The following GREB1 variants were observed in gnomAD, a reference collection of about 807,000 sequenced individuals.
The protein encoded by GREB1 is growth regulating estrogen receptor binding 1.
A neutral mutation model predicts 200.7 loss-of-function variants in GREB1; 106 were observed. The observed-to-expected ratio is 0.53, with a 90% CI of 0.45 to 0.62. The LOEUF (loss-of-function observed/expected upper bound fraction) is 0.62. Ranked by LOEUF, GREB1 falls within the 20% of genes least tolerant of loss-of-function variation. GREB1 has a pLI of 0.00. For synonymous variants in GREB1, 1,132 were observed against 1,092.4 expected (o/e 1.04, Z -0.72); for missense variants, 2,243 against 2,556.8 (o/e 0.88, Z 2.65).
At chr2:11,525,758 C>T (rs1306486938) in intron 1 of GREB1, among the ~76,000 whole-genome samples, 1 of 152,132 alleles carries the variant, frequency 6.6e-6, no homozygotes, top group African/African-American at 2.4e-5. Flanking sequence ...GGGGCTCCAG[C>T]AGTCAGAACT....
intron 1 of GREB1, among the ~76,000 whole-genome samples, chr2:11,507,812 C>T (rs1016714754): frequency 1.3e-5 from 2 of 152,176 alleles, no homozygotes; most frequent in East Asian, 3.9e-4. Flanking sequence ...CCTGAGACCA[C>T]AGGACTCAGG....
intron 1 of GREB1, among the ~76,000 whole-genome samples, chr2:11,536,937 G>T (rs1674317712): frequency 7.3e-6 from 1 of 137,580 alleles, no homozygotes; most frequent in African/African-American, 3.0e-5. Context: ...TGAATTCTTA[G>T]AGGCAAGTAC....
intron 1 of GREB1, among the ~76,000 whole-genome samples, chr2:11,518,157 A>G (rs1386257771): frequency 1.3e-5 from 2 of 152,218 alleles, no homozygotes; most frequent in Non-Finnish European, 2.9e-5. Flanking sequence ...TATGGTCTGC[A>G]ATGGAGTGGA....
At chr2:11,502,888 C>T (rs1280290564) in intron 1 of GREB1, among the ~76,000 whole-genome samples, 1 of 152,020 alleles carries the variant, frequency 6.6e-6, no homozygotes, top group Non-Finnish European at 1.5e-5. Flanking sequence ...GGAATGGGAG[C>T]TTAGAAAGCC....
chr2:11,622,530 C>T (rs1017953332), intron 23 of GREB1, among the ~76,000 whole-genome samples: 2 of 152,188 alleles, frequency 1.3e-5, no homozygotes, highest in Non-Finnish European at 2.9e-5. Context: ...CTACCTTAGA[C>T]ACTTAGTAAG....
chr2:11,619,137 AG>A (rs1488566400), intron 22 of GREB1, among the ~76,000 whole-genome samples: 3 of 152,084 alleles, frequency 2.0e-5, no homozygotes, highest in African/African-American at 7.2e-5. Flanking sequence ...TGTGTGATGT[AG>A]GGGGCGGACA....
intron 17 of GREB1, among the ~76,000 whole-genome samples, chr2:11,604,019 G>T (rs182186786): frequency 6.6e-6 from 1 of 152,272 alleles, no homozygotes; most frequent in African/African-American, 2.4e-5. Context: ...AAACCACGTA[G>T]CCACCAAGCC....
chr2:11,613,053 C>T (rs1030635520), intron 19 of GREB1, among the ~76,000 whole-genome samples: 1 of 152,176 alleles, frequency 6.6e-6, no homozygotes, highest in African/African-American at 2.4e-5. Context: ...GCTTAGGAGG[C>T]GTTCTGGGAG....
At chr2:11,605,696 T>C (rs1378042432) in intron 17 of GREB1, among the ~76,000 whole-genome samples, 1 of 152,220 alleles carries the variant, frequency 6.6e-6, no homozygotes, top group African/African-American at 2.4e-5. Flanking sequence ...AATTGTACAA[T>C]AGGTACTCTG....
chr2:11,546,216 CAAAG>C (rs544302717), intron 1 of GREB1, among the ~76,000 whole-genome samples: 9 of 151,920 alleles, frequency 5.9e-5, no homozygotes, highest in African/African-American at 2.2e-4. Context: ...GATGTGAAGA[CAAAG>C]AATGCTTTTA....
At chr2:11,541,463 C>T (rs1483525206) in intron 1 of GREB1, among the ~76,000 whole-genome samples, 3 of 151,602 alleles carry the variant, frequency 2.0e-5, no homozygotes, top group Non-Finnish European at 4.4e-5. Flanking sequence ...CCATGGGGAT[C>T]GGAACACTTG....
At chr2:11,574,369 G>T (rs937375653) in intron 4 of GREB1, among the ~76,000 whole-genome samples, 1 of 152,222 alleles carries the variant, frequency 6.6e-6, no homozygotes, top group African/African-American at 2.4e-5. Context: ...CTGGAAGAAA[G>T]TGCCAGCCAG....
At chr2:11,501,905 G>GTTTTTTTTTTTTT (rs1204074491) in intron 1 of GREB1, among the ~76,000 whole-genome samples, 1 of 61,600 alleles carries the variant, frequency 1.6e-5, no homozygotes, top group African/African-American at 7.3e-5. Context: ...GTTTTTTTTT[G>GTTTTTTTTTTTTT]TTTTTTTTTT....
chr2:11,493,100 T>C lies in GREB1; in HGVS notation c.-159+10719T>C, dbSNP rs987329584. Among the ~76,000 whole-genome samples, 7 of 152,204 alleles carry C rather than the reference T, an allele frequency of 4.6e-5. No individual in the cohort carries two copies. The highest frequency in any genetic ancestry group is 2.0e-4 in the Admixed American group (3 of 15,284). On this transcript the variant is annotated intron_variant, in intron 1 of 2. Transcript: ENST00000628795. This position sits in a 1 kb window ranked among gnomAD's most constrained non-coding sequence, Gnocchi z 4.6. ...ATCAATGAAGACACCTTGAGTAGCA[T>C]CCCAACTATATGATTTTCAACTTGG...
At position 11,610,956 on chromosome 2, in the gene GREB1, C is replaced by T. The variant is rs528952188; in HGVS notation, c.2935C>T (p.His979Tyr). 4 of 1,609,608 alleles carry T rather than the reference C, an allele frequency of 2.5e-6. No individual in the cohort carries two copies. In the South Asian group the frequency reaches 3.3e-5, roughly 13 times the overall value. ...GCGGGCCCGGCTGGCGCTGGAGGAG[C>T]ACTTTGAGATCATCCTGGGCAGTCC... ...HVRARLALEE[H>Y]FEIILGSPSS... is the part of the protein sequence containing the mutation. The change falls in exon 18 of 33, where the codon CAC (histidine) becomes TAC (tyrosine). Residue 979 changes from histidine (H) to tyrosine (Y), a missense_variant. His to Tyr is a moderately conservative substitution (Grantham distance 83). Around this residue, in one of 3 missense-constraint regions of GREB1, gnomAD observed 1,178 missense variants for 1,387.4 expected, o/e 0.85. Transcript: ENST00000381486.
chr2:11,567,365 T>C (rs1422041622), intron 4 of GREB1, among the ~76,000 whole-genome samples: 1 of 152,190 alleles, frequency 6.6e-6, no homozygotes, highest in African/African-American at 2.4e-5. Flanking sequence ...CCTCAAGTGA[T>C]CTGCCCACCT....
In GREB1 at chr2:11,580,748, G is replaced by A; in HGVS notation, c.817G>A (p.Ala273Thr). ...HPSLNAAMGP[A>T]VFNGKDSPKC... is the part of the protein sequence containing the mutation. ...CTCACTAAACGCAGCAATGGGTCCG[G>A]CTGTTTTCAACGGCAAAGATTCCCC... The change falls in exon 7 of 33, where the codon GCT becomes ACT. Residue 273 changes from alanine (A) to threonine (T), a missense_variant. Around this residue, in one of 3 missense-constraint regions of GREB1, gnomAD observed 1,178 missense variants for 1,387.4 expected, o/e 0.85. Transcript: ENST00000381486. The surrounding 1 kb of genome is among the most constrained non-coding windows in gnomAD (Gnocchi z 4.5). 1 of 1,614,202 alleles carries A rather than the reference G, an allele frequency of 6.2e-7. No individual in the cohort carries two copies. The highest frequency in any genetic ancestry group is 8.5e-7 in the Non-Finnish European group (1 of 1,180,028).
Position 11,548,367 on chromosome 2 carries a change from C to T in GREB1, c.-161-8087C>T, listed in dbSNP as rs1675500643. Among the ~76,000 whole-genome samples, 1 of 145,286 alleles carries T rather than the reference C, an allele frequency of 6.9e-6. No homozygotes were observed. Among genetic ancestry groups the T allele is most frequent in the Non-Finnish European group, 1.5e-5 (1 of 67,982 alleles). ...ACATGCATATACCCCAACACAGATGCACACACATACACACACCCACATACA... is the reference window on the plus strand; with the variant it reads ...ACATGCATATACCCCAACACAGATGTACACACATACACACACCCACATACA... On this transcript the variant is annotated intron_variant, in intron 1 of 32. Coordinates refer to ENST00000381486, the MANE Select transcript of GREB1 (RefSeq NM_014668.4). The surrounding 1 kb of genome is among the most constrained non-coding windows in gnomAD (Gnocchi z 5.1).
intron 24 of GREB1, among the ~76,000 whole-genome samples, chr2:11,625,715 G>A (rs894739150): frequency 6.6e-5 from 10 of 152,142 alleles, no homozygotes; most frequent in East Asian, 1.9e-4. Context: ...GTGTGCTGGC[G>A]CTGCAGTGTA....
Sources: allele counts gnomAD v4.1 joint callset (sites outside exome capture counted in the v4.1 genomes callset), GRCh38; gene constraint gnomAD v4.1.1; regional missense constraint gnomAD v4.1.1; non-coding constraint Gnocchi (gnomAD v3.1); transcripts MANE v1.5; gene names NCBI Gene and HGNC (gene_info 2026-07-23, HGNC 2026-07-21).